RHBDF2: variants seen among roughly 807,000 people sequenced by gnomAD.
RHBDF2 encodes rhomboid 5 homolog 2, also known as inactive rhomboid protein 2.
Under a neutral mutation model 95.2 loss-of-function variants are expected in RHBDF2, and 38 were observed. The observed-to-expected ratio is 0.40, with a 90% confidence interval of 0.31 to 0.52. The LOEUF (loss-of-function observed/expected upper bound fraction) is 0.52, where lower values mean the gene tolerates loss of function less well. RHBDF2 is among the 20% of genes least tolerant of loss of function. The probability of loss-of-function intolerance (pLI) is 0.56; values close to 1 mark genes in which losing one functional copy is unlikely to be tolerated. For synonymous variants in RHBDF2, 442 were observed against 462.0 expected, an observed-to-expected ratio of 0.96 and a Z score of 0.55; for missense variants, 863 against 1,137.7, an observed-to-expected ratio of 0.76 and a Z score of 3.47.
At position 76,476,934 on chromosome 17, in the gene RHBDF2, C is replaced by A. The variant is rs2073791001; in HGVS notation, c.1011G>T (p.Lys337Asn). Residue 337 changes from lysine (K) to asparagine (N), a missense_variant, in exon 9 of 19, where the codon AAG (lysine) becomes AAT (asparagine). Lys to Asn is a moderately conservative substitution (Grantham distance 94). Around this residue, in one of 2 missense-constraint regions of RHBDF2, gnomAD observed 611 missense variants for 725.5 expected, o/e 0.84. Transcript: ENST00000675367. ...KVKHFAFDRK[K>N]RHYGLGVVGN... ...CCACCACGCCGAGGCCGTAGTGCCG[C>A]TTCTTCCGATCAAAGGCAAAGTGCT... is the stretch of plus-strand genomic sequence containing the variant. The A allele has an allele frequency of 3.1e-6, 5 of 1,613,838 alleles. No homozygotes were observed. Among genetic ancestry groups the A allele is most frequent in the Non-Finnish European group, 3.4e-6 (4 of 1,180,042 alleles).
At chr17:76,475,227 A>G (rs2144085181) in intron 9 of RHBDF2, 86 bp from the exon 10 acceptor site, 2 of 932,982 alleles carry the variant, frequency 2.1e-6, no homozygotes, top group Non-Finnish European at 3.4e-6. Context: ...GCCTGGTCAC[A>G]TGGCTCGCCT....
chr17:76,472,143 T>G, intron 18 of RHBDF2, 91 bp from the exon 19 acceptor site: 10 of 1,308,728 alleles, frequency 7.6e-6, no homozygotes, highest in Non-Finnish European at 1.0e-5. Flanking sequence ...GATCAGCTCC[T>G]CCCTGGCAGG....
intron 1 of RHBDF2, among the ~76,000 whole-genome samples, chr17:76,491,500 T>C (rs4788925): frequency 0.094 from 14,341 of 151,928 alleles, 780 homozygotes; most frequent in South Asian, 0.25. Flanking sequence ...CGGGTGGGCA[T>C]GTCTTCCTGG....
At position 76,479,124 on chromosome 17, in the gene RHBDF2, G is replaced by A; in HGVS notation, c.426C>T (p.Ser142=). ...DLELPSQEAP[S]FQGTESPKPC... Reference sequence around the variant, plus strand: ...GCTTTGGGGACTCAGTGCCCTGGAAGGACGGTGCCTCCTGGCTGGGGAGCT... The same window carrying A: ...GCTTTGGGGACTCAGTGCCCTGGAAAGACGGTGCCTCCTGGCTGGGGAGCT... Residue 142 remains serine, a synonymous_variant, in exon 5 of 19, where the codon TCC becomes TCT. Transcript: ENST00000675367. The A allele has an allele frequency of 6.2e-7, 1 of 1,613,682 alleles. No homozygotes were observed. The highest frequency in any genetic ancestry group is 8.5e-7 in the Non-Finnish European group (1 of 1,179,932).
In RHBDF2 at chr17:76,479,112, A is replaced by T. The variant is rs2144150074; in HGVS notation, c.438T>A (p.Thr146=). Residue 146 remains threonine (T), a synonymous_variant, in exon 5 of 19, where the codon ACT becomes ACA. Coordinates refer to ENST00000675367, the MANE Select transcript of RHBDF2 (RefSeq NM_001005498.4). The part of the protein sequence containing the change: ...PSQEAPSFQG[T]ESPKPCKMPK... ...GCATCTTGCAGGGCTTTGGGGACTC[A>T]GTGCCCTGGAAGGACGGTGCCTCCT... 1 of 1,613,648 alleles carries T rather than the reference A, an allele frequency of 6.2e-7. No individual in the cohort carries two copies. The highest frequency in any genetic ancestry group is 8.5e-7 in the Non-Finnish European group (1 of 1,179,934).
At chr17:76,478,602 G>A (rs942488945) in intron 6 of RHBDF2, among the ~76,000 whole-genome samples, 1 of 152,208 alleles carries the variant, frequency 6.6e-6, no homozygotes, top group African/African-American at 2.4e-5. Context: ...GGGGTCACAC[G>A]AGATTTAAGA....
intron 2 of RHBDF2, among the ~76,000 whole-genome samples, chr17:76,482,832 A>C (rs2074011322): frequency 6.6e-6 from 1 of 151,934 alleles, no homozygotes; most frequent in African/African-American, 2.4e-5. Flanking sequence ...CATAGTGAGA[A>C]CACTGTTTAA....
chr17:76,490,425 A>C (rs2074266928), intron 1 of RHBDF2, among the ~76,000 whole-genome samples: 1 of 152,106 alleles, frequency 6.6e-6, no homozygotes, highest in Non-Finnish European at 1.5e-5. Flanking sequence ...CCTCATCCTA[A>C]GCCTGCTCTG....
At chr17:76,491,510 G>A (rs1177879222) in intron 1 of RHBDF2, among the ~76,000 whole-genome samples, 1 of 152,190 alleles carries the variant, frequency 6.6e-6, no homozygotes, top group Non-Finnish European at 1.5e-5. Flanking sequence ...TGTCTTCCTG[G>A]GCAGGAGCCT....
rs772158066 is a variant in RHBDF2 at position 76,473,699 on chromosome 17, T to G, written c.1682A>C (p.His561Pro). ...QARSNHTGFL[H>P]MDCEIKGRPC... is the part of the protein sequence containing the mutation. ...GCGGCCCTTGATCTCGCAGTCCATG[T>G]GCAGGAAGCCTGTGTGGTTGCTCCT... The change falls in exon 15 of 19, where the codon CAC becomes CCC. Residue 561 changes from histidine to proline, a missense_variant. His to Pro is a moderately conservative substitution (Grantham distance 77). This residue lies in a region of RHBDF2 where 252 missense variants were observed against 412.2 expected (regional missense o/e 0.61). Coordinates refer to ENST00000675367, the MANE Select transcript of RHBDF2 (RefSeq NM_001005498.4). 6.2e-7 allele frequency: 1 copy of G among 1,612,624 alleles called. No homozygotes were observed. Among genetic ancestry groups the G allele is most frequent in the Admixed American group, 1.7e-5 (1 of 59,848 alleles).
chr17:76,489,283 T>C (rs1246938189), intron 1 of RHBDF2, among the ~76,000 whole-genome samples: 1 of 151,492 alleles, frequency 6.6e-6, no homozygotes, highest in Non-Finnish European at 1.5e-5. Flanking sequence ...TCACACAACA[T>C]AAAATCAACC....
At chr17:76,482,297 C>G (rs1217723425) in intron 2 of RHBDF2, among the ~76,000 whole-genome samples, 2 of 152,030 alleles carry the variant, frequency 1.3e-5, no homozygotes, top group Non-Finnish European at 2.9e-5. Flanking sequence ...CTGTGCTGGT[C>G]CCTGTCCCCC....
intron 1 of RHBDF2, among the ~76,000 whole-genome samples, chr17:76,498,813 T>TGTGTGTGC (rs2074499043): frequency 6.7e-6 from 1 of 150,332 alleles, no homozygotes; most frequent in Admixed American, 6.6e-5. Flanking sequence ...TGTGTGTGTG[T>TGTGTGTGC]GTGTGTGTGT....
Position 76,471,263 on chromosome 17 carries a change from T to G in RHBDF2, c.*370A>C. On this transcript the variant is annotated 3_prime_UTR_variant, in exon 19 of 19. Transcript: ENST00000675367. ...CCCCAGCAAGGGCACGCTCCAGTAG[T>G]AGTGGGGGAGAAGGCACCAGCAGAG... 1 of 227,760 alleles carries G rather than the reference T, an allele frequency of 4.4e-6. No homozygotes were observed. The highest frequency in any genetic ancestry group is 8.7e-6 in the Non-Finnish European group (1 of 115,110). The allele number at this position is 227,760 out of a possible 1,614,324, so 14.1% of individuals were successfully genotyped here.
At chr17:76,493,583 C>T (rs906281470) in intron 1 of RHBDF2, among the ~76,000 whole-genome samples, 10 of 152,122 alleles carry the variant, frequency 6.6e-5, no homozygotes, top group African/African-American at 1.4e-4. Context: ...TGAGCTCCAC[C>T]GGCAGAGTTA....
At chr17:76,498,661 G>A (rs922887563) in intron 1 of RHBDF2, among the ~76,000 whole-genome samples, 2 of 152,186 alleles carry the variant, frequency 1.3e-5, no homozygotes, top group Admixed American at 6.5e-5. Flanking sequence ...TGAGGCCACA[G>A]GAAAAACAGC....
rs1478718812 is a variant in RHBDF2 at position 76,488,593 on chromosome 17, AG to A, written c.-219-685del. Among the ~76,000 whole-genome samples, 4 of 152,262 alleles carry A rather than the reference AG, an allele frequency of 2.6e-5. No individual in the cohort carries two copies. In the East Asian group the frequency reaches 7.7e-4, roughly 29 times the overall value. ...GGGAGGCCAAGGTGGGGGAATCATG[AG>A]GTCAAGAGTTCGAGACCAGCCTGGC... On this transcript the variant is annotated intron_variant, in intron 1 of 18. Coordinates refer to ENST00000675367, the MANE Select transcript of RHBDF2 (RefSeq NM_001005498.4).
At position 76,477,265 on chromosome 17, in the gene RHBDF2, C is replaced by CA. The variant is rs1358117190; in HGVS notation, c.834dup (p.Glu279Ter). 1 of 1,610,818 alleles carries CA rather than the reference C, an allele frequency of 6.2e-7. No homozygotes were observed. Among genetic ancestry groups the CA allele is most frequent in the Non-Finnish European group, 8.5e-7 (1 of 1,179,082 alleles). ...TAGCTGGCAGAGAGTGGGGGGGACT[C>CA]AAAGACATCATCAGGCATGGAGCTC... On this transcript the variant is annotated frameshift_variant, in exon 8 of 19. Coordinates refer to ENST00000675367, the MANE Select transcript of RHBDF2 (RefSeq NM_001005498.4). LOFTEE classifies it high-confidence loss of function.
intron 1 of RHBDF2, among the ~76,000 whole-genome samples, chr17:76,490,541 T>C (rs1392582258): frequency 6.6e-6 from 1 of 152,134 alleles, no homozygotes; most frequent in African/African-American, 2.4e-5. Flanking sequence ...GGGAGGGCAC[T>C]GCCCTGGGGA....
Sources: allele counts gnomAD v4.1 joint callset (sites outside exome capture counted in the v4.1 genomes callset), GRCh38; gene constraint gnomAD v4.1.1; regional missense constraint gnomAD v4.1.1; transcripts MANE v1.5; gene names NCBI Gene and HGNC (gene_info 2026-07-23, HGNC 2026-07-21).